The following CNTNAP2 variants were observed in gnomAD, a reference collection of about 807,000 sequenced individuals.
CNTNAP2 encodes contactin-associated protein-like 2.
CNTNAP2 carries 98 observed loss-of-function variants against 155.2 expected under a neutral mutation model. That is an observed-to-expected ratio of 0.63 (90% CI 0.54 to 0.75). CNTNAP2 has a LOEUF of 0.75. Among genes scored for constraint, CNTNAP2 ranks in the 30% least tolerant of loss-of-function variants. CNTNAP2 has a pLI of 0.00. For missense variants in CNTNAP2, 1,727 were observed against 1,688.1 expected (o/e 1.02, Z -0.40); for synonymous variants, 651 against 631.2 (o/e 1.03, Z -0.47).
chr7:147,218,721 T>C (rs942226689), intron 8 of CNTNAP2, among the ~76,000 whole-genome samples: 7 of 152,228 alleles, frequency 4.6e-5, no homozygotes, highest in African/African-American at 1.7e-4. Context: ...AAGTAGTCTG[T>C]AGATATTCAT....
chr7:147,621,162 A>G (rs1475664904), intron 12 of CNTNAP2, among the ~76,000 whole-genome samples: 1 of 152,170 alleles, frequency 6.6e-6, no homozygotes, highest in African/African-American at 2.4e-5. Context: ...AAGGAGAAAT[A>G]AAGACTTTTC....
chr7:147,145,040 T>C (rs1801673803), intron 8 of CNTNAP2, among the ~76,000 whole-genome samples: 1 of 152,236 alleles, frequency 6.6e-6, no homozygotes, highest in African/African-American at 2.4e-5. Flanking sequence ...TAAGATGATA[T>C]GACATTAGAC....
chr7:147,137,911 A>AGATAGAT (rs1385560465), intron 8 of CNTNAP2, among the ~76,000 whole-genome samples: 1 of 98,338 alleles, frequency 1.0e-5, no homozygotes, highest in African/African-American at 3.1e-5. Context: ...ATAGATAGAT[A>AGATAGAT]GATAGGTAGA....
rs188995084 is a variant in CNTNAP2 at position 146,309,156 on chromosome 7, A to C, written c.97+192183A>C. ...CAAGGGCATTGTTTTGGTTAAAGTA[A>C]TTTTAGGATGTTTCCATTGACCATT... On this transcript the variant is annotated intron_variant, in intron 1 of 23. Coordinates refer to ENST00000361727, the MANE Select transcript of CNTNAP2 (RefSeq NM_014141.6). Among the ~76,000 whole-genome samples the C allele has an allele frequency of 2.3e-3, 355 of 152,246 alleles. 2 individuals are homozygous for C. Among genetic ancestry groups the C allele is most frequent in the African/African-American group, 8.0e-3 (334 of 41,526 alleles).
In CNTNAP2 at chr7:148,383,738, C is replaced by T; in HGVS notation, c.3565C>T (p.Pro1189Ser). ...CAGAGTCCAGTTCAACCAGATCGCC[C>T]CTCTCAAGGCCGCCTTGAGGCAGAC... ...LSRVQFNQIA[P>S]LKAALRQTNA... Residue 1189 changes from proline (P) to serine (S), a missense_variant, in exon 22 of 24, where the codon CCT (proline) becomes TCT (serine). Physicochemically the swap from Pro to Ser is moderately conservative, Grantham distance 74. Coordinates refer to ENST00000361727, the MANE Select transcript of CNTNAP2 (RefSeq NM_014141.6). 6.2e-7 allele frequency: 1 copy of T among 1,614,202 alleles called. No individual in the cohort carries two copies. Among genetic ancestry groups the T allele is most frequent in the Non-Finnish European group, 8.5e-7 (1 of 1,180,040 alleles).
At chr7:148,375,208 A>G (rs552669664) in intron 21 of CNTNAP2, among the ~76,000 whole-genome samples, 1 of 151,382 alleles carries the variant, frequency 6.6e-6, no homozygotes, top group Non-Finnish European at 1.5e-5. Flanking sequence ...GTGTAATTAC[A>G]ACTATATATG....
At chr7:146,339,457 T>C (rs1801336360) in intron 1 of CNTNAP2, among the ~76,000 whole-genome samples, 1 of 152,174 alleles carries the variant, frequency 6.6e-6, no homozygotes, top group African/African-American at 2.4e-5. Context: ...CCTAAGATAA[T>C]TTTCATATTC....
chr7:147,918,131 C>T (rs1320132879), intron 14 of CNTNAP2, among the ~76,000 whole-genome samples: 1 of 152,182 alleles, frequency 6.6e-6, no homozygotes, highest in African/African-American at 2.4e-5. Flanking sequence ...GTTATTTTCT[C>T]TCTTATCTGC....
At chr7:148,314,881 C>T (rs1057061462) in intron 21 of CNTNAP2, among the ~76,000 whole-genome samples, 8 of 152,164 alleles carry the variant, frequency 5.3e-5, no homozygotes, top group African/African-American at 9.7e-5. Flanking sequence ...AGTCCGTGAC[C>T]GGTGCCGGAG....
At chr7:147,525,717 T>C (rs1379391843) in intron 11 of CNTNAP2, among the ~76,000 whole-genome samples, 1 of 152,174 alleles carries the variant, frequency 6.6e-6, no homozygotes, top group East Asian at 1.9e-4. Context: ...AAGCCATACA[T>C]AGGGAAAAAA....
chr7:147,314,829 A>G (rs536278250), intron 9 of CNTNAP2, among the ~76,000 whole-genome samples: 1 of 151,322 alleles, frequency 6.6e-6, no homozygotes, highest in East Asian at 1.9e-4. Flanking sequence ...ATATATAGTC[A>G]ATGTTATATG....
At chr7:146,907,125 A>G (rs1257033701) in intron 3 of CNTNAP2, among the ~76,000 whole-genome samples, 1 of 152,076 alleles carries the variant, frequency 6.6e-6, no homozygotes, top group African/African-American at 2.4e-5. Context: ...AGAAATGAGC[A>G]AAGCCTCCAA....
intron 13 of CNTNAP2, among the ~76,000 whole-genome samples, chr7:147,761,462 G>A (rs562919124): frequency 5.3e-5 from 8 of 152,154 alleles, no homozygotes; most frequent in Admixed American, 1.3e-4. Context: ...AGAAAGCCCC[G>A]AAGTGCCTGT....
At chr7:146,978,506 G>A (rs1022504601) in intron 3 of CNTNAP2, among the ~76,000 whole-genome samples, 2 of 152,142 alleles carry the variant, frequency 1.3e-5, no homozygotes, top group Non-Finnish European at 2.9e-5. Context: ...CTAAGGCACT[G>A]TGAGTCTAGC....
chr7:147,147,493 G>A (rs1040495955), intron 8 of CNTNAP2, among the ~76,000 whole-genome samples: 3 of 152,110 alleles, frequency 2.0e-5, no homozygotes, highest in Non-Finnish European at 4.4e-5. Flanking sequence ...AAAACAAAGT[G>A]TGTCCCTTAG....
chr7:146,393,973 A>T, intron 1 of CNTNAP2, among the ~76,000 whole-genome samples: 1 of 152,156 alleles, frequency 6.6e-6, no homozygotes, highest in East Asian at 1.9e-4. Flanking sequence ...GTTAACAGGT[A>T]TTCTATGACA....
At chr7:147,759,845 C>G (rs1039149878) in intron 13 of CNTNAP2, among the ~76,000 whole-genome samples, 3 of 152,104 alleles carry the variant, frequency 2.0e-5, no homozygotes, top group African/African-American at 7.2e-5. Context: ...CCCACAACCC[C>G]AGGAGTTCTT....
chr7:146,162,819 A>C (rs1175316921), intron 1 of CNTNAP2, among the ~76,000 whole-genome samples: 1 of 152,232 alleles, frequency 6.6e-6, no homozygotes, highest in Non-Finnish European at 1.5e-5. Context: ...ATGGAATCCT[A>C]TGCAGCCATA....
chr7:147,943,630 G>T (rs1318881090), intron 14 of CNTNAP2, among the ~76,000 whole-genome samples: 1 of 151,790 alleles, frequency 6.6e-6, no homozygotes, highest in Non-Finnish European at 1.5e-5. Flanking sequence ...TTATCTGGGC[G>T]TGGTGGCACA....
Sources: allele counts gnomAD v4.1 joint callset (sites outside exome capture counted in the v4.1 genomes callset), GRCh38; gene constraint gnomAD v4.1.1; transcripts MANE v1.5; gene names NCBI Gene and HGNC (gene_info 2026-07-23, HGNC 2026-07-21).